Variants in LUZP2 observed in about 807,000 individuals in gnomAD.
LUZP2 encodes the protein leucine zipper protein 2.
In LUZP2, 52 loss-of-function variants were observed where a neutral mutation model predicts 51.6. The ratio of observed to expected loss-of-function variants is 1.01; its 90% CI spans 0.81 to 1.27. The LOEUF (loss-of-function observed/expected upper bound fraction) is 1.27. Among genes scored for constraint, LUZP2 ranks in the 50% most tolerant of loss-of-function variants. The pLI, the probability that LUZP2 is intolerant of heterozygous loss-of-function variation, is 0.00. For missense variants in LUZP2, 436 were observed against 395.4 expected (o/e 1.10, Z -0.87); for synonymous variants, 154 against 137.3 (o/e 1.12, Z -0.85).
intron 4 of LUZP2, among the ~76,000 whole-genome samples, chr11:24,746,327 A>T (rs1358623164): frequency 6.6e-6 from 1 of 152,200 alleles, no homozygotes; most frequent in Non-Finnish European, 1.5e-5. Context: ...CTTTCACTGG[A>T]TACAAAATTC....
chr11:24,937,212 G>A (rs971972901), intron 7 of LUZP2, among the ~76,000 whole-genome samples: 1 of 152,188 alleles, frequency 6.6e-6, no homozygotes, highest in African/African-American at 2.4e-5. Context: ...ATATTAAATA[G>A]AAGCATTGTC....
chr11:24,614,382 A>G (rs1289921829), intron 1 of LUZP2, among the ~76,000 whole-genome samples: 1 of 151,568 alleles, frequency 6.6e-6, no homozygotes, highest in African/African-American at 2.4e-5. Flanking sequence ...TCCTACTTTC[A>G]CTCTTGAGCC....
chr11:24,606,782 C>CT (rs1427939090), intron 1 of LUZP2, among the ~76,000 whole-genome samples: 1 of 151,956 alleles, frequency 6.6e-6, no homozygotes, highest in Non-Finnish European at 1.5e-5. Context: ...TGTAAAGGTT[C>CT]TTTTTTCTCC....
At chr11:24,707,928 G>A (rs905992815) in intron 1 of LUZP2, among the ~76,000 whole-genome samples, 27 of 152,262 alleles carry the variant, frequency 1.8e-4, no homozygotes, top group South Asian at 6.2e-4. Flanking sequence ...TCTGACGCAC[G>A]TGGCCCCTGC....
In LUZP2 at chr11:25,026,531, T is replaced by C. The variant is rs1259516349; in HGVS notation, c.766-23507T>C. On this transcript the variant is annotated intron_variant, in intron 9 of 11. Coordinates refer to ENST00000336930, the MANE Select transcript of LUZP2 (RefSeq NM_001009909.4). Reference sequence around the variant, plus strand: ...AGAACTTAAGCTTATTGCCTTAAAATGTGATTATTTTTTTCTAATTAATTT... The same window carrying C: ...AGAACTTAAGCTTATTGCCTTAAAACGTGATTATTTTTTTCTAATTAATTT... Among the ~76,000 whole-genome samples the C allele has an allele frequency of 7.2e-5, 9 of 124,376 alleles. No homozygotes were observed. In the East Asian group the frequency reaches 2.9e-3, roughly 40 times the overall value. The allele number at this position is 124,376 out of a possible 152,430, so 81.6% of individuals were successfully genotyped here. A position where few individuals can be genotyped will look rare whatever the true frequency, so the allele number is the denominator to read the frequency against.
At chr11:24,927,028 G>A (rs962759264) in intron 7 of LUZP2, among the ~76,000 whole-genome samples, 6 of 150,162 alleles carry the variant, frequency 4.0e-5, no homozygotes, top group African/African-American at 1.2e-4. Context: ...TTATATGTTT[G>A]TTGGCCATTT....
chr11:24,517,483 CAAAAAAA>C (rs71041768), intron 1 of LUZP2, among the ~76,000 whole-genome samples: 2,344 of 44,092 alleles, frequency 0.053, 143 homozygotes, highest in African/African-American at 0.18. Context: ...CAGACGCCGT[CAAAAAAA>C]AAAAAAAAAA....
At chr11:24,536,496 G>C (rs1851184216) in intron 1 of LUZP2, among the ~76,000 whole-genome samples, 1 of 151,738 alleles carries the variant, frequency 6.6e-6, no homozygotes. Flanking sequence ...TTATGATATG[G>C]AGATGGCCTC....
At chr11:24,890,464 T>C (rs1852812299) in intron 5 of LUZP2, among the ~76,000 whole-genome samples, 1 of 152,198 alleles carries the variant, frequency 6.6e-6, no homozygotes, top group South Asian at 2.1e-4. Context: ...GGAATCACCA[T>C]TTAAAACTAG....
chr11:24,817,528 T>G (rs2134150019), intron 5 of LUZP2, among the ~76,000 whole-genome samples: 1 of 152,148 alleles, frequency 6.6e-6, no homozygotes, highest in South Asian at 2.1e-4. Context: ...AATCCAAATT[T>G]CAACAGATCT....
intron 1 of LUZP2, among the ~76,000 whole-genome samples, chr11:24,698,001 C>T (rs910520047): frequency 6.6e-6 from 1 of 152,114 alleles, no homozygotes; most frequent in Non-Finnish European, 1.5e-5. Context: ...TAATCTCCAA[C>T]CAATCAGGAA....
chr11:24,582,687 G>A (rs1379466238), intron 1 of LUZP2, among the ~76,000 whole-genome samples: 4 of 152,044 alleles, frequency 2.6e-5, no homozygotes, highest in Non-Finnish European at 5.9e-5. Context: ...TATGAAATGT[G>A]CAACTATCAC....
chr11:24,980,107 T>C (rs1338842628), intron 8 of LUZP2, among the ~76,000 whole-genome samples: 1 of 151,784 alleles, frequency 6.6e-6, no homozygotes, highest in Non-Finnish European at 1.5e-5. Flanking sequence ...GAGAAAGTGT[T>C]TGGCCTCACA....
chr11:25,067,098 T>C (rs1175860083), intron 10 of LUZP2, among the ~76,000 whole-genome samples: 3 of 151,966 alleles, frequency 2.0e-5, no homozygotes, highest in Non-Finnish European at 4.4e-5. Context: ...AAAATTATAT[T>C]TTTGGGATGG....
rs186120576 is a variant in LUZP2 at position 24,753,433 on chromosome 11, G to T, written c.334-9813G>T. Among the ~76,000 whole-genome samples, 173 of 152,264 alleles carry T rather than the reference G, an allele frequency of 1.1e-3. 1 individual carries two copies. The highest frequency in any genetic ancestry group is 5.7e-3 in the Admixed American group (87 of 15,284). ...TTATGTCCCCCAGGGTATAGGGCAA[G>T]ATTCTCTTTAGAATGAGAGTTTTAT... On this transcript the variant is annotated intron_variant, in intron 4 of 11. Transcript: ENST00000336930.
Position 24,759,494 on chromosome 11 carries a change from A to G in LUZP2, c.334-3752A>G, listed in dbSNP as rs145297370. ...TCAAGTTTTTCTGTCCTTGTTTAAC[A>G]TTTAATAATTATAGTCTTGACATGG... is the stretch of plus-strand genomic sequence containing the variant. On this transcript the variant is annotated intron_variant, in intron 4 of 11. Coordinates refer to ENST00000336930, the MANE Select transcript of LUZP2 (RefSeq NM_001009909.4). Among the ~76,000 whole-genome samples, 31 of 152,248 alleles carry G rather than the reference A, an allele frequency of 2.0e-4. No homozygotes were observed. The East Asian group carries it at 5.6e-3, about 27-fold the overall frequency.
At chr11:24,818,242 A>G (rs1043543646) in intron 5 of LUZP2, among the ~76,000 whole-genome samples, 2 of 152,112 alleles carry the variant, frequency 1.3e-5, no homozygotes, top group East Asian at 3.9e-4. Context: ...TCTTCCATCA[A>G]GAAGCAAGAC....
At chr11:24,761,981 T>C (rs1859997089) in intron 4 of LUZP2, among the ~76,000 whole-genome samples, 2 of 151,848 alleles carry the variant, frequency 1.3e-5, no homozygotes, top group African/African-American at 4.8e-5. Flanking sequence ...GCTGAAACTT[T>C]AATAATAAAT....
chr11:24,590,823 A>C (rs905654780), intron 1 of LUZP2, among the ~76,000 whole-genome samples: 2 of 152,060 alleles, frequency 1.3e-5, no homozygotes, highest in Non-Finnish European at 2.9e-5. Context: ...CCTTATTTTC[A>C]TCATGGATTG....
Sources: allele counts gnomAD v4.1 joint callset (sites outside exome capture counted in the v4.1 genomes callset), GRCh38; gene constraint gnomAD v4.1.1; transcripts MANE v1.5; gene names NCBI Gene and HGNC (gene_info 2026-07-23, HGNC 2026-07-21).